DDX54: variants seen among roughly 807,000 people sequenced by gnomAD.
DDX54 encodes the protein ATP-dependent RNA helicase DDX54.
A neutral mutation model predicts 105.5 loss-of-function variants in DDX54; 67 were observed. The observed-to-expected ratio is 0.64, with a 90% confidence interval of 0.52 to 0.78. The LOEUF is 0.78. Ranked by LOEUF, DDX54 falls within the 30% of genes least tolerant of loss-of-function variation. The probability of loss-of-function intolerance (pLI) is 0.00; values close to 1 mark genes in which losing one functional copy is unlikely to be tolerated. For missense variants in DDX54, 1,206 were observed against 1,230.5 expected (o/e 0.98, Z 0.30); for synonymous variants, 514 against 509.9 (o/e 1.01, Z -0.11).
In DDX54 at chr12:113,185,427, C is replaced by T. The variant is rs1180534844; in HGVS notation, c.25G>A (p.Ala9Thr). The change falls in exon 1 of 20, where the codon GCT becomes ACT. Residue 9 changes from alanine to threonine, a missense_variant. Around this residue, in one of 3 missense-constraint regions of DDX54, gnomAD observed 212 missense variants for 155.4 expected, o/e 1.36. Coordinates refer to ENST00000306014, the MANE Select transcript of DDX54 (RefSeq NM_024072.4). Reference sequence around the variant, plus strand: ...ATGGCAGCTCGCGACCGAGGTCCAGCCGCCGGGCCCTTGTCGGCCGCCATT... The same window carrying T: ...ATGGCAGCTCGCGACCGAGGTCCAGTCGCCGGGCCCTTGTCGGCCGCCATT... MAADKGPAAGPRSRAAMAQ... is the reference protein window; with the variant it reads MAADKGPATGPRSRAAMAQ... 11 of 1,521,368 alleles carry T rather than the reference C, an allele frequency of 7.2e-6. No individual in the cohort carries two copies. Among genetic ancestry groups the T allele is most frequent in the African/African-American group, 1.4e-5 (1 of 69,940 alleles). 94.2% of individuals were successfully genotyped at this position (1,521,368 alleles called of 1,614,324 possible). A position where few individuals can be genotyped will look rare whatever the true frequency, so the allele number is the denominator to read the frequency against.
At chr12:113,182,826 G>T (rs1358739935) in intron 1 of DDX54, among the ~76,000 whole-genome samples, 1 of 151,790 alleles carries the variant, frequency 6.6e-6, no homozygotes, top group African/African-American at 2.4e-5. Context: ...CAAAGTGCTC[G>T]GATTACAGGC....
chr12:113,176,720 G>T, intron 7 of DDX54, 120 bp downstream of exon 7: 2 of 1,043,250 alleles, frequency 1.9e-6, no homozygotes, highest in Non-Finnish European at 2.8e-6. Flanking sequence ...CATCTGGGAA[G>T]ACACTGCTTC....
At chr12:113,175,419 T>A (rs1419929482) in intron 7 of DDX54, among the ~76,000 whole-genome samples, 1 of 152,142 alleles carries the variant, frequency 6.6e-6, no homozygotes. Flanking sequence ...ACACCTGTAA[T>A]CCCAGCACTT....
At chr12:113,171,441 A>G (rs1952338131) in intron 11 of DDX54, among the ~76,000 whole-genome samples, 1 of 152,002 alleles carries the variant, frequency 6.6e-6, no homozygotes, top group Non-Finnish European at 1.5e-5. Flanking sequence ...TGTCTCTACT[A>G]AAAACACAAA....
Position 113,165,977 on chromosome 12 carries a change from C to T in DDX54, c.1470G>A (p.Glu490=), listed in dbSNP as rs1394039527. 1.2e-5 allele frequency: 20 copies of T among 1,612,772 alleles called. No individual in the cohort carries two copies. Among genetic ancestry groups the T allele is most frequent in the Non-Finnish European group, 1.7e-5 (20 of 1,180,030 alleles). Residue 490 remains glutamate (E), a synonymous_variant, in exon 13 of 20, where the codon GAG becomes GAA. Coordinates refer to ENST00000306014, the MANE Select transcript of DDX54 (RefSeq NM_024072.4). ...LGRVPQSVVD[E]EDSGLQSTLE... ...GGGTGCTCTGCAGACCACTGTCCTC[C>T]TCGTCCACCACACTCTGTGGCACCC...
intron 1 of DDX54, among the ~76,000 whole-genome samples, chr12:113,181,979 C>T: frequency 6.6e-6 from 1 of 151,818 alleles, no homozygotes; most frequent in South Asian, 2.1e-4. Flanking sequence ...ATGGTAAAAC[C>T]CCATCTTTAC....
In DDX54 at chr12:113,158,771, T is replaced by C; in HGVS notation, c.*106A>G. On this transcript the variant is annotated 3_prime_UTR_variant, in exon 20 of 20. Transcript: ENST00000306014. This position sits in a 1 kb window ranked among gnomAD's most constrained non-coding sequence, Gnocchi z 4.9. ...CACAGATGATGGCTCCTGCAGGGAG[T>C]GCCCCCAGTGCCCAGCACAGGGCCA... 8.1e-7 allele frequency: 1 copy of C among 1,235,208 alleles called. No individual in the cohort carries two copies. The highest frequency in any genetic ancestry group is 1.1e-6 in the Non-Finnish European group (1 of 901,814). 76.5% of individuals were successfully genotyped at this position (1,235,208 alleles called of 1,614,324 possible). A position where few individuals can be genotyped will look rare whatever the true frequency, so the allele number is the denominator to read the frequency against.
intron 19 of DDX54, among the ~76,000 whole-genome samples, chr12:113,159,945 A>G (rs371388340): frequency 3.3e-5 from 5 of 152,222 alleles, no homozygotes; most frequent in Admixed American, 1.3e-4. Context: ...GCTGTCTCCA[A>G]TGGAGCCAGG....
intron 19 of DDX54, 52 bp from the exon 20 acceptor site, chr12:113,159,161 C>T: frequency 6.6e-7 from 1 of 1,520,572 alleles, no homozygotes; most frequent in South Asian, 1.2e-5. Context: ...CTCCCAAGAT[C>T]CCCTCCTCCC....
chr12:113,165,391 C>T lies in DDX54; in HGVS notation c.1719+253G>A, dbSNP rs141359140. ...GCTAGGGAATGGCTGCCCCATAGGA[C>T]CTGCTGTGAGCCAGCAGGGATGGTT... On this transcript the variant is annotated intron_variant, in intron 14 of 19. Coordinates refer to ENST00000306014, the MANE Select transcript of DDX54 (RefSeq NM_024072.4). Among the ~76,000 whole-genome samples, 77 of 152,306 alleles carry T rather than the reference C, an allele frequency of 5.1e-4. 1 individual carries two copies. The East Asian group carries it at 0.014, about 27-fold the overall frequency.
Position 113,183,405 on chromosome 12 carries a change from C to T in DDX54, c.174+1873G>A, listed in dbSNP as rs188209012. Reference sequence around the variant, plus strand: ...TAGTAGTTTCTCTACATTTGTTGAGCACCTACTGTGTGCCAGGTACTGGCT... The same window carrying T: ...TAGTAGTTTCTCTACATTTGTTGAGTACCTACTGTGTGCCAGGTACTGGCT... On this transcript the variant is annotated intron_variant, in intron 1 of 19. Coordinates refer to ENST00000306014, the MANE Select transcript of DDX54 (RefSeq NM_024072.4). Among the ~76,000 whole-genome samples, 35 of 152,358 alleles carry T rather than the reference C, an allele frequency of 2.3e-4. No homozygotes were observed. In the East Asian group the frequency reaches 6.8e-3, roughly 29 times the overall value.
In DDX54 at chr12:113,157,465, A is replaced by G; in HGVS notation, c.*1412T>C. The stretch of plus-strand genomic sequence containing the variant: ...AGGATCTCAGTCACCACCTCTGGGA[A>G]CCACCATCATCACTGTTCTTTTAAT... On this transcript the variant is annotated 3_prime_UTR_variant, in exon 20 of 20. Transcript: ENST00000306014. 1.4e-6 allele frequency: 1 copy of G among 703,582 alleles called. No homozygotes were observed. The highest frequency in any genetic ancestry group is 2.4e-5 in the Admixed American group (1 of 41,538). 43.6% of individuals were successfully genotyped at this position (703,582 alleles called of 1,614,324 possible).
intron 18 of DDX54, 43 bp from the exon 19 acceptor site, chr12:113,161,425 G>A (rs770223853): frequency 6.6e-7 from 1 of 1,509,416 alleles, no homozygotes; most frequent in East Asian, 2.3e-5. Flanking sequence ...CCCCTGGGAT[G>A]GGAGAAGGCT....
chr12:113,162,022 C>T lies in DDX54; in HGVS notation c.2196-25G>A, dbSNP rs757738038. On this transcript the variant is annotated intron_variant, in intron 17 of 19. Coordinates refer to ENST00000306014, the MANE Select transcript of DDX54 (RefSeq NM_024072.4). ...CCTGCAGGAGAGGGAGTTGGGACGG[C>T]TGCCGTGGAGGGAAACCCTTGGAGT... The T allele has an allele frequency of 3.7e-6, 6 of 1,609,340 alleles. No individual in the cohort carries two copies. The Admixed American group carries it at 1.0e-4, about 27-fold the overall frequency.
intron 11 of DDX54, 56 bp from the exon 12 acceptor site, chr12:113,169,960 T>G (rs1013387828): frequency 1.9e-6 from 3 of 1,601,200 alleles, no homozygotes; most frequent in Non-Finnish European, 2.6e-6. Context: ...GGACCCAGCA[T>G]GAGTTCCACA....
rs913490083 is a variant in DDX54 at position 113,157,567 on chromosome 12, G to C, written c.*1310C>G. 9.1e-6 allele frequency: 14 copies of C among 1,541,838 alleles called. No individual in the cohort carries two copies. The African/African-American group carries it at 1.9e-4, about 21-fold the overall frequency. On this transcript the variant is annotated 3_prime_UTR_variant, in exon 20 of 20. Coordinates refer to ENST00000306014, the MANE Select transcript of DDX54 (RefSeq NM_024072.4). The stretch of plus-strand genomic sequence containing the variant: ...GGGTGGGGGCTGGACAGTGACTCTG[G>C]GGCTGGGATGTGACTTCGTGCTGGG...
intron 7 of DDX54, among the ~76,000 whole-genome samples, chr12:113,176,255 T>TA (rs1952401901): frequency 6.6e-6 from 1 of 152,144 alleles, no homozygotes; most frequent in Non-Finnish European, 1.5e-5. Flanking sequence ...TTTGTGCTTT[T>TA]AAAAAAATCT....
chr12:113,182,818 A>G (rs1011219645), intron 1 of DDX54, among the ~76,000 whole-genome samples: 3 of 151,688 alleles, frequency 2.0e-5, no homozygotes, highest in Middle Eastern at 3.4e-3. Context: ...TGGCCTCCCA[A>G]AGTGCTCGGA....
In DDX54 at chr12:113,185,473, CA is replaced by C. The variant is rs2136331428; in HGVS notation, c.-23del. On this transcript the variant is annotated 5_prime_UTR_variant, in exon 1 of 20. Transcript: ENST00000306014. ...CCATTCGGGCCGCGCGCTGGGAACG[CA>C]GAAGGGGGCGTGGCCTGAGGAGCGC... 6.7e-7 allele frequency: 1 copy of C among 1,484,160 alleles called. No individual in the cohort carries two copies. The highest frequency in any genetic ancestry group is 8.9e-7 in the Non-Finnish European group (1 of 1,121,440). The allele number at this position is 1,484,160 out of a possible 1,614,324, so 91.9% of individuals were successfully genotyped here. A position where few individuals can be genotyped will look rare whatever the true frequency, so the allele number is the denominator to read the frequency against.
Sources: gnomAD v4.1 joint callset for allele counts (sites outside exome capture counted in the v4.1 genomes callset) on GRCh38, gnomAD v4.1.1 for gene constraint, gnomAD v4.1.1 regional missense constraint, Gnocchi (gnomAD v3.1) non-coding constraint, MANE v1.5 for transcripts, NCBI Gene and HGNC (gene_info 2026-07-23, HGNC 2026-07-21) for gene names.